The following EMID1 variants were observed in gnomAD, a reference collection of about 807,000 sequenced individuals.
EMID1 encodes EMI domain containing 1.
Under a neutral mutation model 60.6 loss-of-function variants are expected in EMID1, and 40 were observed. That is an observed-to-expected ratio of 0.66 (90% CI 0.51 to 0.86). EMID1 has a LOEUF of 0.86. Among genes scored for constraint, EMID1 ranks in the 40% least tolerant of loss-of-function variants. The pLI is 0.00. For missense variants in EMID1, 585 were observed against 597.1 expected (o/e 0.98, Z 0.21); for synonymous variants, 242 against 231.0 (o/e 1.05, Z -0.43).
intron 12 of EMID1, among the ~76,000 whole-genome samples, chr22:29,239,782 G>C (rs1276748314): frequency 6.8e-6 from 1 of 146,130 alleles, no homozygotes; most frequent in Non-Finnish European, 1.5e-5. Context: ...TTTTGAGACA[G>C]AGTCTCACTC....
chr22:29,258,795 C>G (rs111911300), intron 14 of EMID1, 22 bp from the exon 15 acceptor site: 86 of 1,612,524 alleles, frequency 5.3e-5, no homozygotes, highest in Middle Eastern at 1.6e-4. Context: ...AATGTGGCCT[C>G]TCTCCTTCTT....
Position 29,214,970 on chromosome 22 carries a change from T to C in EMID1, c.146T>C (p.Val49Ala), listed in dbSNP as rs1024216167. Residue 49 changes from valine (V) to alanine (A), a missense_variant, in exon 2 of 15, where the codon GTG becomes GCG. Transcript: ENST00000334018. ...GTGACCCGCACCATCTCATGCCATGTGCAGAATGGCACCTACCTTCAGCGA... is the reference window on the plus strand; with the variant it reads ...GTGACCCGCACCATCTCATGCCATGCGCAGAATGGCACCTACCTTCAGCGA... ...YVVTRTISCHVQNGTYLQRVL... is the reference protein window; with the variant it reads ...YVVTRTISCHAQNGTYLQRVL... 1.9e-6 allele frequency: 3 copies of C among 1,552,772 alleles called. No individual in the cohort carries two copies. In the African/African-American group the frequency reaches 4.1e-5, roughly 21 times the overall value.
intron 12 of EMID1, among the ~76,000 whole-genome samples, chr22:29,239,458 T>G (rs909921548): frequency 2.0e-5 from 3 of 152,134 alleles, no homozygotes; most frequent in African/African-American, 7.2e-5. Context: ...TCTCTCTGCT[T>G]ATAATCCATC....
chr22:29,256,033 C>T (rs1263526542), intron 14 of EMID1, among the ~76,000 whole-genome samples: 1 of 152,150 alleles, frequency 6.6e-6, no homozygotes, highest in Non-Finnish European at 1.5e-5. Flanking sequence ...AAACTGGAGC[C>T]TGTGGCTGGC....
intron 13 of EMID1, 132 bp from the exon 14 acceptor site, chr22:29,254,071 T>C: frequency 6.4e-7 from 1 of 1,554,786 alleles, no homozygotes; most frequent in Non-Finnish European, 8.7e-7. Flanking sequence ...TGGCTGTCCA[T>C]GGACCCTGGG....
intron 12 of EMID1, among the ~76,000 whole-genome samples, chr22:29,236,172 T>A (rs1475768490): frequency 1.3e-5 from 2 of 152,040 alleles, no homozygotes; most frequent in Non-Finnish European, 2.9e-5. Context: ...GGCAGGAGGA[T>A]CACTTGAAAT....
In EMID1 at chr22:29,226,523, CAG is replaced by C; in HGVS notation, c.440_441del (p.Glu147AlafsTer27). 6.2e-7 allele frequency: 1 copy of C among 1,611,902 alleles called. No homozygotes were observed. The highest frequency in any genetic ancestry group is 8.5e-7 in the Non-Finnish European group (1 of 1,179,008). On this transcript the variant is annotated frameshift_variant, in exon 5 of 15. Transcript: ENST00000334018. LOFTEE classifies it high-confidence loss of function. ...AACTGCAGCAAAGTGTCAGAGCTGA[CAG>C]AGCGGCTGAAGGTGCTGGAGGCCAA...
In EMID1 at chr22:29,211,653, C is replaced by T. The variant is rs576285310; in HGVS notation, c.102-3273C>T. Among the ~76,000 whole-genome samples, 118 of 152,286 alleles carry T rather than the reference C, an allele frequency of 7.7e-4. 1 individual carries two copies. The highest frequency in any genetic ancestry group is 1.4e-3 in the Non-Finnish European group (96 of 68,018). On this transcript the variant is annotated intron_variant, in intron 1 of 14. Transcript: ENST00000334018. ...GTGTGCCTGTGTGTGCATGTGTGTG[C>T]GTGCATTTGCGTGTGCAGGCACTGT...
At chr22:29,253,946 G>A in intron 13 of EMID1, 1 of 985,456 alleles carries the variant, frequency 1.0e-6, no homozygotes, top group Non-Finnish European at 1.2e-6. Context: ...AGGATTTGCG[G>A]CCTTGTCAGA....
chr22:29,259,100 A>C lies in EMID1; in HGVS notation c.*156A>C. On this transcript the variant is annotated 3_prime_UTR_variant, in exon 15 of 15. Transcript: ENST00000334018. Reference sequence around the variant, plus strand: ...GGGGTAAGCAGGTCTCAGTCCTGGCACCATGCACATGTCTGAGGCTGAGCA... The same window carrying C: ...GGGGTAAGCAGGTCTCAGTCCTGGCCCCATGCACATGTCTGAGGCTGAGCA... The C allele has an allele frequency of 5.1e-6, 6 of 1,168,926 alleles. No individual in the cohort carries two copies. Among genetic ancestry groups the C allele is most frequent in the Non-Finnish European group, 7.1e-6 (6 of 849,080 alleles). 72.4% of individuals were successfully genotyped at this position (1,168,926 alleles called of 1,614,324 possible).
intron 1 of EMID1, among the ~76,000 whole-genome samples, chr22:29,214,397 G>A (rs1440876444): frequency 6.6e-6 from 1 of 152,174 alleles, no homozygotes; most frequent in Admixed American, 6.5e-5. Flanking sequence ...GGTACTCCAG[G>A]CAGAGGGCCC....
intron 12 of EMID1, among the ~76,000 whole-genome samples, chr22:29,240,638 C>T (rs1287628728): frequency 1.3e-5 from 2 of 152,218 alleles, no homozygotes; most frequent in Non-Finnish European, 2.9e-5. Flanking sequence ...AGTAGCAGAA[C>T]ATGTTCCATA....
intron 3 of EMID1, among the ~76,000 whole-genome samples, 160 bp from the exon 4 acceptor site, chr22:29,224,973 C>T (rs148926830): frequency 2.6e-5 from 4 of 152,334 alleles, no homozygotes; most frequent in African/African-American, 9.6e-5. Flanking sequence ...TAGCTCAGCC[C>T]AGTTCATGCT....
At chr22:29,226,319 TC>T in intron 4 of EMID1, 170 bp from the exon 5 acceptor site, 1 of 593,018 alleles carries the variant, frequency 1.7e-6, no homozygotes, top group Non-Finnish European at 2.7e-6. Flanking sequence ...TAGGGTGAGG[TC>T]CCCCTGGACC....
chr22:29,242,043 TG>T (rs1418818469), intron 12 of EMID1, among the ~76,000 whole-genome samples: 2 of 152,190 alleles, frequency 1.3e-5, no homozygotes, highest in African/African-American at 2.4e-5. Context: ...CCTGAGTAGC[TG>T]GGACTACAGG....
chr22:29,206,107 G>T lies in EMID1; in HGVS notation c.69G>T (p.Trp23Cys). 8.1e-7 allele frequency: 1 copy of T among 1,230,968 alleles called. No homozygotes were observed. Among genetic ancestry groups the T allele is most frequent in the Non-Finnish European group, 1.0e-6 (1 of 987,418 alleles). The allele number at this position is 1,230,968 out of a possible 1,614,324, so 76.3% of individuals were successfully genotyped here. ...GLLLPGGGAA[W>C]SIGAAPFSGR... ...TGCTCCCGGGAGGCGGCGCTGCGTGGAGCATCGGGGCAGCTCCGTTCTCCG... is the reference window on the plus strand; with the variant it reads ...TGCTCCCGGGAGGCGGCGCTGCGTGTAGCATCGGGGCAGCTCCGTTCTCCG... The change falls in exon 1 of 15, where the codon TGG becomes TGT. Residue 23 changes from tryptophan to cysteine, a missense_variant. Transcript: ENST00000334018.
chr22:29,255,352 A>T, intron 14 of EMID1: 17 of 1,502,662 alleles, frequency 1.1e-5, no homozygotes, highest in Non-Finnish European at 1.3e-5. Flanking sequence ...GGAAGCCATC[A>T]TCTGGCCAGG....
intron 13 of EMID1, among the ~76,000 whole-genome samples, chr22:29,253,321 G>A (rs5763111): frequency 0.13 from 19,765 of 152,024 alleles, 1,429 homozygotes; most frequent in East Asian, 0.22. Context: ...GGTGGCTTAC[G>A]CCTGTAATCC....
At chr22:29,233,693 C>T (rs775870058) in intron 10 of EMID1, 27 bp downstream of exon 10, 40 of 1,607,086 alleles carry the variant, frequency 2.5e-5, no homozygotes, top group Non-Finnish European at 3.2e-5. Context: ...GTACTCTCAC[C>T]CATGTGTCTG....
Sources: gnomAD v4.1 joint callset for allele counts (sites outside exome capture counted in the v4.1 genomes callset) on GRCh38, gnomAD v4.1.1 for gene constraint, MANE v1.5 for transcripts, NCBI Gene and HGNC (gene_info 2026-07-23, HGNC 2026-07-21) for gene names.